The following GABRB1 variants were observed in gnomAD, a reference collection of about 807,000 sequenced individuals.
GABRB1 encodes gamma-aminobutyric acid receptor subunit beta-1.
In GABRB1, 17 loss-of-function variants were observed where a neutral mutation model predicts 51.6. That is an observed-to-expected ratio of 0.33 (90% CI 0.23 to 0.49). The LOEUF (loss-of-function observed/expected upper bound fraction) is 0.49. Among genes scored for constraint, GABRB1 ranks in the 20% least tolerant of loss-of-function variants. GABRB1 has a pLI of 0.99. For missense variants in GABRB1, 410 were observed against 600.6 expected (o/e 0.68, Z 3.32); for synonymous variants, 247 against 218.9 (o/e 1.13, Z -1.14).
At chr4:47,092,141 T>TTTTC (rs201589290) in intron 3 of GABRB1, among the ~76,000 whole-genome samples, 30 of 99,528 alleles carry the variant, frequency 3.0e-4, no homozygotes, top group Middle Eastern at 0.018. Flanking sequence ...TTTCTTTTCT[T>TTTTC]TTTCTTTCTT....
intron 5 of GABRB1, among the ~76,000 whole-genome samples, chr4:47,320,934 T>A (rs918181845): frequency 1.3e-5 from 2 of 152,162 alleles, no homozygotes; most frequent in African/African-American, 4.8e-5. Flanking sequence ...CACGCCCAGC[T>A]AATTTTTTGT....
chr4:47,092,905 G>A (rs1002814647), intron 3 of GABRB1, among the ~76,000 whole-genome samples: 14 of 152,070 alleles, frequency 9.2e-5, no homozygotes, highest in Admixed American at 8.5e-4. Flanking sequence ...GAGCCACTGC[G>A]TCCCGCCGGC....
intron 4 of GABRB1, among the ~76,000 whole-genome samples, chr4:47,209,398 C>A (rs888176329): frequency 6.6e-6 from 1 of 152,112 alleles, no homozygotes; most frequent in Non-Finnish European, 1.5e-5. Context: ...TCTATTAAAT[C>A]TAATTTCATA....
chr4:47,358,497 G>A (rs58082159), intron 5 of GABRB1, among the ~76,000 whole-genome samples: 3,125 of 151,990 alleles, frequency 0.021, 84 homozygotes, highest in African/African-American at 0.071. Flanking sequence ...TATCAATAGC[G>A]TAGGCTACCA....
intron 5 of GABRB1, among the ~76,000 whole-genome samples, chr4:47,384,949 C>T (rs1172093726): frequency 6.6e-6 from 1 of 152,160 alleles, no homozygotes; most frequent in Non-Finnish European, 1.5e-5. Flanking sequence ...TCTTTAAAAA[C>T]ATTATGATAC....
intron 3 of GABRB1, among the ~76,000 whole-genome samples, chr4:47,088,849 G>T (rs146017392): frequency 6.6e-6 from 1 of 152,224 alleles, no homozygotes; most frequent in Non-Finnish European, 1.5e-5. Flanking sequence ...TTTACAAGGC[G>T]CACCTTTGCT....
intron 4 of GABRB1, among the ~76,000 whole-genome samples, chr4:47,283,992 G>A (rs1723404421): frequency 6.6e-6 from 1 of 151,676 alleles, no homozygotes; most frequent in Non-Finnish European, 1.5e-5. Flanking sequence ...CAGCTACTCT[G>A]GAGGCTGAGG....
chr4:47,115,785 A>G (rs1445483900), intron 3 of GABRB1, among the ~76,000 whole-genome samples: 1 of 152,192 alleles, frequency 6.6e-6, no homozygotes. Flanking sequence ...AACAGTAATT[A>G]GGAATTTCTG....
chr4:47,276,748 C>A (rs1723090745), intron 4 of GABRB1, among the ~76,000 whole-genome samples: 1 of 152,078 alleles, frequency 6.6e-6, no homozygotes, highest in Non-Finnish European at 1.5e-5. Flanking sequence ...ATATTTTCAG[C>A]CAGATAATTA....
intron 4 of GABRB1, among the ~76,000 whole-genome samples, chr4:47,300,189 A>G (rs1260589444): frequency 6.6e-6 from 1 of 152,080 alleles, no homozygotes; most frequent in South Asian, 2.1e-4. Flanking sequence ...ATGTATACAT[A>G]TGTAACTAAC....
intron 4 of GABRB1, among the ~76,000 whole-genome samples, chr4:47,291,641 G>C (rs569086660): frequency 2.6e-5 from 4 of 152,320 alleles, no homozygotes; most frequent in African/African-American, 9.6e-5. Flanking sequence ...CGAAGACTAT[G>C]GGAAGCTACC....
chr4:47,224,337 A>G, intron 4 of GABRB1, among the ~76,000 whole-genome samples: 1 of 152,074 alleles, frequency 6.6e-6, no homozygotes, highest in East Asian at 1.9e-4. Flanking sequence ...TTTTTAAAAC[A>G]GTAAAGAAGA....
intron 8 of GABRB1, among the ~76,000 whole-genome samples, chr4:47,416,453 C>CTT (rs770636868): frequency 3.5e-5 from 5 of 142,058 alleles, no homozygotes; most frequent in Admixed American, 7.0e-5. Context: ...ATTTGTTTTA[C>CTT]TTTTTTTTTT....
chr4:47,329,336 A>G (rs1362440925), intron 5 of GABRB1, among the ~76,000 whole-genome samples: 1 of 151,748 alleles, frequency 6.6e-6, no homozygotes, highest in African/African-American at 2.4e-5. Context: ...TAGAGCCAGT[A>G]GGCTAAACAT....
At chr4:47,170,172 TG>T (rs1226576519) in intron 4 of GABRB1, among the ~76,000 whole-genome samples, 6 of 152,172 alleles carry the variant, frequency 3.9e-5, no homozygotes, top group African/African-American at 1.4e-4. Context: ...TTTGTTTACC[TG>T]GCTCTATTTC....
In GABRB1 at chr4:47,011,993, A is replaced by G. The variant is rs549629949; in HGVS notation, c.-20+18067A>G. Among the ~76,000 whole-genome samples the G allele has an allele frequency of 5.8e-4, 89 of 152,292 alleles. 1 individual carries two copies. The highest frequency in any genetic ancestry group is 2.0e-3 in the African/African-American group (85 of 41,578). On this transcript the variant is annotated intron_variant, in intron 1 of 3. Coordinates refer to the GABRB1 transcript ENST00000513567. The stretch of plus-strand genomic sequence containing the variant: ...TAACATTTGTCAAAATTGATTCAGA[A>G]TTTAAAAATAAATTAATAAAACATT...
intron 3 of GABRB1, among the ~76,000 whole-genome samples, chr4:47,067,003 C>CGAAT (rs1218727212): frequency 6.6e-6 from 1 of 152,132 alleles, no homozygotes; most frequent in Non-Finnish European, 1.5e-5. Flanking sequence ...CTCGAATGAA[C>CGAAT]GAATGAATGC....
chr4:47,178,054 G>T lies in GABRB1; in HGVS notation c.461+16585G>T, dbSNP rs1008306116. On this transcript the variant is annotated intron_variant, in intron 4 of 8. Coordinates refer to ENST00000295454, the MANE Select transcript of GABRB1 (RefSeq NM_000812.4). ...TGGATGTTGGTGGAAGCCAGTCTTTGGATATGATTACCTAAGTTTCCAATA... is the reference window on the plus strand; with the variant it reads ...TGGATGTTGGTGGAAGCCAGTCTTTTGATATGATTACCTAAGTTTCCAATA... 1.3e-4 allele frequency among the ~76,000 whole-genome samples: 20 copies of T among 152,056 alleles called. No individual in the cohort carries two copies. The South Asian group carries it at 1.5e-3, about 11-fold the overall frequency.
At chr4:47,228,669 A>C (rs1388068274) in intron 4 of GABRB1, among the ~76,000 whole-genome samples, 1 of 152,132 alleles carries the variant, frequency 6.6e-6, no homozygotes, top group East Asian at 1.9e-4. Context: ...TGACACCGAA[A>C]GTAGGACTGG....
Sources: gnomAD v4.1 joint callset for allele counts (sites outside exome capture counted in the v4.1 genomes callset) on GRCh38, gnomAD v4.1.1 for gene constraint, MANE v1.5 for transcripts, NCBI Gene and HGNC (gene_info 2026-07-23, HGNC 2026-07-21) for gene names.